Variants in MARK3 observed in about 807,000 individuals in gnomAD.
MARK3 encodes the protein microtubule affinity regulating kinase 3.
A neutral mutation model predicts 90.1 loss-of-function variants in MARK3; 46 were observed. The observed-to-expected ratio is 0.51, with a 90% confidence interval of 0.40 to 0.65. MARK3 has a LOEUF of 0.65. MARK3 is among the 30% of genes least tolerant of loss of function. The probability of loss-of-function intolerance (pLI) is 0.00; values close to 1 mark genes in which losing one functional copy is unlikely to be tolerated. For synonymous variants in MARK3, 321 were observed against 332.6 expected, an observed-to-expected ratio of 0.97 and a Z score of 0.38; for missense variants, 818 against 947.2, an observed-to-expected ratio of 0.86 and a Z score of 1.79.
At chr14:103,427,551 G>A (rs2092451547) in intron 2 of MARK3, among the ~76,000 whole-genome samples, 1 of 149,478 alleles carries the variant, frequency 6.7e-6, no homozygotes. Flanking sequence ...CAGAGCAGCA[G>A]TATCAGCTGC....
intron 3 of MARK3, among the ~76,000 whole-genome samples, chr14:103,438,004 CT>C (rs1566842079): frequency 2.0e-5 from 3 of 151,800 alleles, no homozygotes; most frequent in Admixed American, 2.0e-4. Flanking sequence ...CAGTTGTTTT[CT>C]TTTTTTTTCT....
intron 2 of MARK3, among the ~76,000 whole-genome samples, chr14:103,425,822 G>C (rs1007182146): frequency 2.0e-5 from 3 of 152,126 alleles, no homozygotes; most frequent in Admixed American, 6.5e-5. Flanking sequence ...CTGAAAATGG[G>C]GGTTATAGCC....
chr14:103,460,587 A>G (rs1334317045), intron 6 of MARK3, among the ~76,000 whole-genome samples: 1 of 152,214 alleles, frequency 6.6e-6, no homozygotes, highest in African/African-American at 2.4e-5. Context: ...TTATTGTGGC[A>G]TCAGGTTAGC....
At chr14:103,492,847 A>G (rs959204250) in intron 15 of MARK3, among the ~76,000 whole-genome samples, 2 of 152,328 alleles carry the variant, frequency 1.3e-5, no homozygotes, top group East Asian at 1.9e-4. Flanking sequence ...ACCGTAAACA[A>G]TAGTGAAAGG....
At chr14:103,406,001 C>T (rs1284407170) in intron 2 of MARK3, among the ~76,000 whole-genome samples, 1 of 152,090 alleles carries the variant, frequency 6.6e-6, no homozygotes, top group Non-Finnish European at 1.5e-5. Flanking sequence ...GGCAGTTCTC[C>T]CACCTCAGCC....
At chr14:103,491,218 T>C (rs536361863) in intron 14 of MARK3, 2 of 767,456 alleles carry the variant, frequency 2.6e-6, no homozygotes, top group Non-Finnish European at 3.5e-6. Context: ...CAAGGCGTCC[T>C]TCCTCCATGT....
chr14:103,407,647 G>A (rs1353331577), intron 2 of MARK3, among the ~76,000 whole-genome samples: 4 of 126,164 alleles, frequency 3.2e-5, no homozygotes, highest in Admixed American at 1.0e-4. Context: ...TGTAACCTCC[G>A]CCTCCTGGGT....
At chr14:103,461,069 AT>A in intron 6 of MARK3, among the ~76,000 whole-genome samples, 1 of 152,326 alleles carries the variant, frequency 6.6e-6, no homozygotes, top group African/African-American at 2.4e-5. Flanking sequence ...GAACCAAAAT[AT>A]TATACAGCCC....
At position 103,484,448 on chromosome 14, in the gene MARK3, C is replaced by T. The variant is rs372712871; in HGVS notation, c.1586+3958C>T. Among the ~76,000 whole-genome samples the T allele has an allele frequency of 5.3e-5, 8 of 152,166 alleles. No individual in the cohort carries two copies. In the East Asian group the frequency reaches 7.7e-4, roughly 15 times the overall value. The stretch of plus-strand genomic sequence containing the variant: ...TTGGCCTCCCAAAGTGCTGTGATTA[C>T]AGGCATGAGCCACTGCACCAGGCCC... On this transcript the variant is annotated intron_variant, in intron 14 of 17. Transcript: ENST00000429436.
chr14:103,464,117 A>G (rs1362264296), intron 7 of MARK3, among the ~76,000 whole-genome samples: 1 of 152,002 alleles, frequency 6.6e-6, no homozygotes, highest in Non-Finnish European at 1.5e-5. Flanking sequence ...CAGTTATGGC[A>G]TTTTGTCTCA....
intron 14 of MARK3, among the ~76,000 whole-genome samples, chr14:103,484,476 A>G (rs966320786): frequency 2.0e-5 from 3 of 152,210 alleles, no homozygotes; most frequent in African/African-American, 7.2e-5. Context: ...CCAGGCCCAG[A>G]ATCTTTCAAA....
rs150138169 is a variant in MARK3, at chr14:103,412,705, G to T, written c.243+7438G>T. The T allele has an allele frequency of 8.5e-4, 539 of 630,876 alleles. 2 individuals carry two copies. In the African/African-American group the frequency reaches 9.1e-3, roughly 11 times the overall value. 39.1% of individuals were successfully genotyped at this position (630,876 alleles called of 1,614,324 possible). On this transcript the variant is annotated intron_variant, in intron 2 of 17. Coordinates refer to ENST00000429436, the MANE Select transcript of MARK3 (RefSeq NM_001128918.3). ...ACTTGGGGCACTTTCACTGGTTCCCGTGCAGGACTTCCTGCACCGCCTCAT... is the reference window on the plus strand; with the variant it reads ...ACTTGGGGCACTTTCACTGGTTCCCTTGCAGGACTTCCTGCACCGCCTCAT...
intron 14 of MARK3, among the ~76,000 whole-genome samples, chr14:103,485,612 G>T (rs960338826): frequency 2.0e-5 from 3 of 152,120 alleles, no homozygotes; most frequent in African/African-American, 7.2e-5. Flanking sequence ...CCAGTCACTT[G>T]AGTATGCTTT....
intron 3 of MARK3, among the ~76,000 whole-genome samples, chr14:103,439,528 C>G (rs113908018): frequency 6.6e-6 from 1 of 152,116 alleles, no homozygotes; most frequent in East Asian, 1.9e-4. Flanking sequence ...TGTGCCTCAG[C>G]CTCCTGAGTA....
chr14:103,495,084 GCA>G (rs2075266109), intron 15 of MARK3, among the ~76,000 whole-genome samples: 1 of 152,206 alleles, frequency 6.6e-6, no homozygotes, highest in Admixed American at 6.5e-5. Flanking sequence ...GTACAAGTGT[GCA>G]CACACACTCA....
At chr14:103,447,014 CA>C (rs987210167) in intron 3 of MARK3, among the ~76,000 whole-genome samples, 1 of 152,096 alleles carries the variant, frequency 6.6e-6, no homozygotes, top group Non-Finnish European at 1.5e-5. Context: ...ACCACAGTTG[CA>C]AAGGGAGATG....
At chr14:103,468,314 C>CTTTTTTTTTTTTTTTTTTTT (rs759932678) in intron 12 of MARK3, 128 bp downstream of exon 12, 1 of 113,946 alleles carries the variant, frequency 8.8e-6, no homozygotes, top group African/African-American at 5.7e-5. Flanking sequence ...TTTCTTTCTT[C>CTTTTTTTTTTTTTTTTTTTT]TTTTTTTTTT....
At chr14:103,448,364 A>G (rs1422932491) in intron 3 of MARK3, among the ~76,000 whole-genome samples, 1 of 152,196 alleles carries the variant, frequency 6.6e-6, no homozygotes, top group Non-Finnish European at 1.5e-5. Flanking sequence ...AAGCGTGAAC[A>G]TGTAAGGCAT....
intron 6 of MARK3, chr14:103,458,721 A>G (rs1433773131): frequency 4.2e-6 from 3 of 712,988 alleles, no homozygotes; most frequent in Non-Finnish European, 7.7e-6. Context: ...TTTTATTCAT[A>G]TACAGGGTTG....
Sources: gnomAD v4.1 joint callset for allele counts (sites outside exome capture counted in the v4.1 genomes callset) on GRCh38, gnomAD v4.1.1 for gene constraint, MANE v1.5 for transcripts, NCBI Gene and HGNC (gene_info 2026-07-23, HGNC 2026-07-21) for gene names.